PRKN: variants seen among roughly 807,000 people sequenced by gnomAD.
PRKN encodes E3 ubiquitin-protein ligase parkin.
PRKN carries 56 observed loss-of-function variants against 59.5 expected under a neutral mutation model. The ratio of observed to expected loss-of-function variants is 0.94; its 90% confidence interval spans 0.76 to 1.18. The LOEUF (loss-of-function observed/expected upper bound fraction) is 1.18, where lower values mean the gene tolerates loss of function less well. Ranked by LOEUF, PRKN falls within the 50% of genes most tolerant of loss-of-function variation. PRKN has a pLI of 0.00. For missense variants in PRKN, 657 were observed against 596.4 expected, an observed-to-expected ratio of 1.10 and a Z score of -1.06; for synonymous variants, 250 against 222.1, an observed-to-expected ratio of 1.13 and a Z score of -1.12.
intron 8 of PRKN, among the ~76,000 whole-genome samples, chr6:161,563,146 A>G (rs1443204114): frequency 6.6e-6 from 1 of 151,938 alleles, no homozygotes; most frequent in Non-Finnish European, 1.5e-5. Flanking sequence ...TGTCCCCTCA[A>G]CGCTTAGTCT....
chr6:162,294,898 C>G (rs1400506638), intron 2 of PRKN, among the ~76,000 whole-genome samples: 1 of 152,128 alleles, frequency 6.6e-6, no homozygotes, highest in African/African-American at 2.4e-5. Context: ...TTTGATAACC[C>G]AGAAAACACA....
At chr6:162,592,330 G>A (rs1309554808) in intron 1 of PRKN, among the ~76,000 whole-genome samples, 1 of 152,132 alleles carries the variant, frequency 6.6e-6, no homozygotes, top group Non-Finnish European at 1.5e-5. Context: ...GAATAGGTAG[G>A]CTATTTATAA....
At chr6:162,210,353 T>C (rs1785154599) in intron 3 of PRKN, among the ~76,000 whole-genome samples, 1 of 152,136 alleles carries the variant, frequency 6.6e-6, no homozygotes, top group African/African-American at 2.4e-5. Flanking sequence ...CAATGTCTGC[T>C]ATACATGGAA....
At chr6:161,537,747 G>T (rs1008185168) in intron 9 of PRKN, among the ~76,000 whole-genome samples, 1 of 152,156 alleles carries the variant, frequency 6.6e-6, no homozygotes, top group African/African-American at 2.4e-5. Flanking sequence ...CACTGCGCCC[G>T]GCCTCAAATT....
intron 1 of PRKN, among the ~76,000 whole-genome samples, chr6:162,631,979 A>G (rs528925888): frequency 2.5e-4 from 37 of 149,398 alleles, no homozygotes; most frequent in Non-Finnish European, 5.0e-4. Context: ...GGCTATTATT[A>G]AAAAGTAAAA....
At chr6:162,304,853 G>A (rs1176675750) in intron 2 of PRKN, among the ~76,000 whole-genome samples, 1 of 138,876 alleles carries the variant, frequency 7.2e-6, no homozygotes, top group Non-Finnish European at 1.6e-5. Flanking sequence ...AGTCAGATGT[G>A]TTGTTTAACT....
At position 161,371,591 on chromosome 6, in the gene PRKN, C is replaced by T. The variant is rs1785447069; in HGVS notation, c.1168-11386G>A. 6.6e-6 allele frequency among the ~76,000 whole-genome samples: 1 copy of T among 152,084 alleles called. No homozygotes were observed. The highest frequency in any genetic ancestry group is 1.5e-5 in the Non-Finnish European group (1 of 68,026). ...CAAGGCTACTCCACTAAGCTCCAAA[C>T]TCCCCAAGCCATGCTTTAGAATGCA... On this transcript the variant is annotated intron_variant, in intron 10 of 11. Transcript: ENST00000366898. The surrounding 1 kb of genome is among the most constrained non-coding windows in gnomAD (Gnocchi z 5.5).
At chr6:162,026,912 C>T (rs1300558719) in intron 5 of PRKN, among the ~76,000 whole-genome samples, 1 of 152,042 alleles carries the variant, frequency 6.6e-6, no homozygotes, top group African/African-American at 2.4e-5. Context: ...TTGAGTCTAC[C>T]GTATGTGTAA....
chr6:162,202,067 T>C (rs544234628), intron 3 of PRKN, among the ~76,000 whole-genome samples: 53 of 152,322 alleles, frequency 3.5e-4, no homozygotes, highest in African/African-American at 1.2e-3. Context: ...ACCTTCTTCC[T>C]GAATTTCTAA....
chr6:161,367,685 T>A (rs911484340), intron 10 of PRKN, among the ~76,000 whole-genome samples: 1 of 152,112 alleles, frequency 6.6e-6, no homozygotes, highest in Non-Finnish European at 1.5e-5. Context: ...CACAGAGCTG[T>A]GTAGGCATGG....
At chr6:162,332,512 G>T (rs889103915) in intron 2 of PRKN, among the ~76,000 whole-genome samples, 2 of 151,916 alleles carry the variant, frequency 1.3e-5, no homozygotes, top group African/African-American at 2.4e-5. Context: ...GTAAATTATC[G>T]TATCAGTATA....
rs1778693385 is a variant in PRKN at position 161,518,363 on chromosome 6, C to A, written c.1083+30491G>T. On this transcript the variant is annotated intron_variant, in intron 9 of 11. Coordinates refer to ENST00000366898, the MANE Select transcript of PRKN (RefSeq NM_004562.3). This position sits in a 1 kb window ranked among gnomAD's most constrained non-coding sequence, Gnocchi z 5.0. ...AACAGAATGTCCTGTGCAGGGAAAG[C>A]AGCAGAAGGGCCCAGAAACAGCCAG... is the stretch of plus-strand genomic sequence containing the variant. Among the ~76,000 whole-genome samples, 1 of 152,222 alleles carries A rather than the reference C, an allele frequency of 6.6e-6. No homozygotes were observed. Among genetic ancestry groups the A allele is most frequent in the South Asian group, 2.1e-4 (1 of 4,830 alleles).
At chr6:162,639,481 T>C (rs771725908) in intron 1 of PRKN, among the ~76,000 whole-genome samples, 2 of 152,164 alleles carry the variant, frequency 1.3e-5, no homozygotes, top group Non-Finnish European at 2.9e-5. Flanking sequence ...TGGTTAGATA[T>C]ATTAATAAAA....
intron 7 of PRKN, among the ~76,000 whole-genome samples, chr6:161,769,260 T>C (rs1162664898): frequency 1.3e-5 from 2 of 152,164 alleles, no homozygotes; most frequent in East Asian, 1.9e-4. Context: ...AACTGGTGCA[T>C]AGGTTTGGTG....
At chr6:161,540,413 C>A (rs1227247035) in intron 9 of PRKN, among the ~76,000 whole-genome samples, 1 of 151,882 alleles carries the variant, frequency 6.6e-6, no homozygotes, top group Non-Finnish European at 1.5e-5. Context: ...GATCTTAAAC[C>A]CATAAAAATA....
rs540617755 is a variant in PRKN at position 161,461,258 on chromosome 6, C to T, written c.1084-74381G>A. Among the ~76,000 whole-genome samples the T allele has an allele frequency of 5.5e-4, 83 of 152,062 alleles. No homozygotes were observed. The highest frequency in any genetic ancestry group is 3.9e-3 in the South Asian group (19 of 4,828). On this transcript the variant is annotated intron_variant, in intron 9 of 11. Transcript: ENST00000366898. This position sits in a 1 kb window ranked among gnomAD's most constrained non-coding sequence, Gnocchi z 5.1. ...AAAAGTACTCAGTGAGTTCCGGACCCGGAAATGGTTCAACATGAGTTAAGT... is the reference window on the plus strand; with the variant it reads ...AAAAGTACTCAGTGAGTTCCGGACCTGGAAATGGTTCAACATGAGTTAAGT...
At chr6:162,300,069 T>A (rs1195704396) in intron 2 of PRKN, among the ~76,000 whole-genome samples, 1 of 152,142 alleles carries the variant, frequency 6.6e-6, no homozygotes, top group Non-Finnish European at 1.5e-5. Flanking sequence ...ACACGTGTAG[T>A]AGCATTATAG....
intron 9 of PRKN, among the ~76,000 whole-genome samples, chr6:161,508,393 C>T (rs1045466302): frequency 6.6e-6 from 1 of 152,222 alleles, no homozygotes; most frequent in Non-Finnish European, 1.5e-5. Flanking sequence ...ACTGTCTATC[C>T]TTTAAAAACC....
rs1018001612 is a variant in PRKN, at chr6:161,548,873, C to T, written c.1064G>A (p.Gly355Asp). Residue 355 changes from glycine to aspartate, a missense_variant, in exon 9 of 12, where the codon GGC (glycine) becomes GAC (aspartate). By Grantham distance (94) the Gly-to-Asp change is moderately conservative (BLOSUM62 -1). Coordinates refer to ENST00000366898, the MANE Select transcript of PRKN (RefSeq NM_004562.3). This position sits in a 1 kb window ranked among gnomAD's most constrained non-coding sequence, Gnocchi z 4.2. ...ACTCACCCCACAGCCCAGGCCATTG[C>T]CCCCTTCGCAGGTGACTTTCCTCTG... ...PDQRKVTCEG[G>D]NGLGCGFAFC... is the part of the protein sequence containing the mutation. 6.2e-6 allele frequency: 10 copies of T among 1,614,046 alleles called. No individual in the cohort carries two copies. The African/African-American group carries it at 1.1e-4, about 17-fold the overall frequency.
Sources: allele counts gnomAD v4.1 joint callset (sites outside exome capture counted in the v4.1 genomes callset), GRCh38; gene constraint gnomAD v4.1.1; non-coding constraint Gnocchi (gnomAD v3.1); transcripts MANE v1.5; gene names NCBI Gene and HGNC (gene_info 2026-07-23, HGNC 2026-07-21).